The following PIK3R5 variants were observed in gnomAD, a reference collection of about 807,000 sequenced individuals.
PIK3R5 encodes the protein phosphoinositide-3-kinase regulatory subunit 5.
PIK3R5 carries 32 observed loss-of-function variants against 94.9 expected under a neutral mutation model. That is an observed-to-expected ratio of 0.34 (90% CI 0.25 to 0.45). PIK3R5 has a LOEUF of 0.45. Ranked by LOEUF, PIK3R5 falls within the 20% of genes least tolerant of loss-of-function variation. The pLI is 1.00. For missense variants in PIK3R5, 853 were observed against 1,144.6 expected (o/e 0.75, Z 3.68); for synonymous variants, 443 against 479.4 (o/e 0.92, Z 0.99).
rs563262929 is a variant in PIK3R5, at chr17:8,946,614, T to C, written c.-14+18982A>G. ...TGAGCACAAGATGCTTTGCTGCGTG[T>C]TGTGGTAGCTGCAAAGATGACTAAT... On this transcript the variant is annotated intron_variant, in intron 1 of 18. Transcript: ENST00000447110. Among the ~76,000 whole-genome samples, 5 of 152,256 alleles carry C rather than the reference T, an allele frequency of 3.3e-5. No homozygotes were observed. The South Asian group carries it at 1.0e-3, about 32-fold the overall frequency.
chr17:8,933,512 A>G (rs2091021639), intron 1 of PIK3R5, among the ~76,000 whole-genome samples: 1 of 152,214 alleles, frequency 6.6e-6, no homozygotes, highest in Non-Finnish European at 1.5e-5. Flanking sequence ...AAATTCCTTC[A>G]TAAAATAGAG....
At chr17:8,901,878 A>G (rs2090291038) in intron 5 of PIK3R5, among the ~76,000 whole-genome samples, 1 of 152,224 alleles carries the variant, frequency 6.6e-6, no homozygotes, top group Non-Finnish European at 1.5e-5. Context: ...ATTATTAGCA[A>G]GGATGCGTTG....
Position 8,884,777 on chromosome 17 carries a change from C to G in PIK3R5, c.2135G>C (p.Gly712Ala). Residue 712 changes from glycine (G) to alanine (A), a missense_variant, in exon 15 of 19, where the codon GGC becomes GCC. Gly to Ala is a moderately conservative substitution (Grantham distance 60, BLOSUM62 0). This residue lies in a region of PIK3R5 where 173 missense variants were observed against 274.1 expected (regional missense o/e 0.63). Coordinates refer to ENST00000447110, the MANE Select transcript of PIK3R5 (RefSeq NM_001142633.3). This position sits in a 1 kb window ranked among gnomAD's most constrained non-coding sequence, Gnocchi z 5.8. ...GCCATCGATGCCCAGCCGCTTGCTG[C>G]CAGGACCTGTGCCACACACAGACAG... is the stretch of plus-strand genomic sequence containing the variant. Reference protein sequence around the residue: ...ATRAIKASGPGSKRLGIDGDR... With the variant: ...ATRAIKASGPASKRLGIDGDR... The G allele has an allele frequency of 6.2e-7, 1 of 1,612,704 alleles. No individual in the cohort carries two copies. Among genetic ancestry groups the G allele is most frequent in the Non-Finnish European group, 8.5e-7 (1 of 1,179,406 alleles).
chr17:8,914,129 C>T (rs558866529), intron 1 of PIK3R5, among the ~76,000 whole-genome samples: 73 of 152,270 alleles, frequency 4.8e-4, no homozygotes, highest in Non-Finnish European at 8.4e-4. Flanking sequence ...AACAGCTGGC[C>T]CAGATGTGAC....
intron 5 of PIK3R5, among the ~76,000 whole-genome samples, chr17:8,900,275 T>C (rs541901043): frequency 6.6e-6 from 1 of 152,324 alleles, no homozygotes; most frequent in African/African-American, 2.4e-5. Context: ...ACTTTGAGTC[T>C]TACTCTAGCT....
rs867364452 is a variant in PIK3R5, at chr17:8,904,065, G to A, written c.412+712C>T. Among the ~76,000 whole-genome samples the A allele has an allele frequency of 6.6e-6, 1 of 152,214 alleles. No homozygotes were observed. Among genetic ancestry groups the A allele is most frequent in the Non-Finnish European group, 1.5e-5 (1 of 68,032 alleles). On this transcript the variant is annotated intron_variant, in intron 5 of 18. Transcript: ENST00000447110. The surrounding 1 kb of genome is among the most constrained non-coding windows in gnomAD (Gnocchi z 5.1). Reference sequence around the variant, plus strand: ...TTGAGGGGTTTTGAATATCAGGAATGATGATGAATTTTATGAAATATTTTA... The same window carrying A: ...TTGAGGGGTTTTGAATATCAGGAATAATGATGAATTTTATGAAATATTTTA...
At chr17:8,921,122 T>C (rs566694411) in intron 1 of PIK3R5, among the ~76,000 whole-genome samples, 86 of 152,354 alleles carry the variant, frequency 5.6e-4, no homozygotes, top group South Asian at 5.6e-3. Flanking sequence ...ATTACAGGCA[T>C]GAGCCACTGC....
At chr17:8,919,818 C>G (rs1004483095) in intron 1 of PIK3R5, among the ~76,000 whole-genome samples, 10 of 151,806 alleles carry the variant, frequency 6.6e-5, no homozygotes, top group Non-Finnish European at 1.5e-4. Flanking sequence ...TGTTACCTAT[C>G]AGAGTTTCCT....
At chr17:8,897,061 C>G (rs1324708676) in intron 5 of PIK3R5, among the ~76,000 whole-genome samples, 2 of 152,216 alleles carry the variant, frequency 1.3e-5, no homozygotes, top group South Asian at 2.1e-4. Context: ...TCCCTCCTCA[C>G]TGGGGGTCCC....
In PIK3R5 at chr17:8,961,649, T is replaced by A. The variant is rs141577021; in HGVS notation, c.-14+3947A>T. Among the ~76,000 whole-genome samples, 1,031 of 150,746 alleles carry A rather than the reference T, an allele frequency of 6.8e-3. 17 individuals carry two copies. The highest frequency in any genetic ancestry group is 0.022 in the African/African-American group (898 of 41,014). Reference sequence around the variant, plus strand: ...AAACTCTGTCTAAAAAATAATAATTTAAAAAAAAATGAAAATAAAAGTGAC... The same window carrying A: ...AAACTCTGTCTAAAAAATAATAATTAAAAAAAAAATGAAAATAAAAGTGAC... On this transcript the variant is annotated intron_variant, in intron 1 of 18. Transcript: ENST00000447110.
At chr17:8,934,751 A>T (rs1011945646) in intron 1 of PIK3R5, among the ~76,000 whole-genome samples, 2 of 152,180 alleles carry the variant, frequency 1.3e-5, no homozygotes, top group African/African-American at 4.8e-5. Context: ...GTTTTTAAAC[A>T]TAAATAGAAC....
At chr17:8,930,634 T>C (rs2090971338) in intron 1 of PIK3R5, among the ~76,000 whole-genome samples, 1 of 152,224 alleles carries the variant, frequency 6.6e-6, no homozygotes, top group African/African-American at 2.4e-5. Context: ...TCTTTCAATT[T>C]AGAATATGGT....
intron 1 of PIK3R5, among the ~76,000 whole-genome samples, chr17:8,949,155 G>A (rs924137254): frequency 8.5e-5 from 13 of 152,194 alleles, no homozygotes; most frequent in Admixed American, 3.9e-4. Flanking sequence ...CATGGGGCAC[G>A]CTGGGAGATG....
chr17:8,880,971 G>A lies in PIK3R5; in HGVS notation c.2429C>T (p.Ser810Phe), dbSNP rs750013644. The change falls in exon 18 of 19, where the codon TCC becomes TTC. Residue 810 changes from serine to phenylalanine, a missense_variant. Ser to Phe is a radical substitution (Grantham distance 155). Transcript: ENST00000447110. ...IKVDKVQIIG[S>F]NSCPFAVCLD... is the part of the protein sequence containing the mutation. ...GCACACAGCAAAGGGGCAGCTGTTG[G>A]AGCCGATGATCTGCACCTTGTCCAC... The A allele has an allele frequency of 7.4e-6, 12 of 1,614,060 alleles. No individual in the cohort carries two copies. In the African/African-American group the frequency reaches 1.5e-4, roughly 20 times the overall value.
intron 1 of PIK3R5, among the ~76,000 whole-genome samples, chr17:8,924,666 C>T (rs2090834219): frequency 6.6e-6 from 1 of 152,146 alleles, no homozygotes. Flanking sequence ...CACTAGTCTC[C>T]TTTTTACTCT....
chr17:8,915,741 C>T (rs1050303265), intron 1 of PIK3R5: 1 of 152,328 alleles, frequency 6.6e-6, no homozygotes, highest in Admixed American at 6.5e-5. Context: ...CCTGCTCACT[C>T]ATTACGTGTC....
chr17:8,894,553 CT>C (rs1284118007), intron 5 of PIK3R5, among the ~76,000 whole-genome samples: 6 of 152,226 alleles, frequency 3.9e-5, no homozygotes, highest in African/African-American at 1.2e-4. Context: ...GCCCTTCCCC[CT>C]CTCTGTCTCC....
Position 8,887,699 on chromosome 17 carries a change from T to A in PIK3R5, c.1617-16A>T. ...CTCCAGCCGCCTGGCAAGAAGAAGA[T>A]GGTGAGAAGGGGAATGGGCATGGTG... On this transcript the variant is annotated splice_polypyrimidine_tract_variant and intron_variant, in intron 10 of 18. Coordinates refer to ENST00000447110, the MANE Select transcript of PIK3R5 (RefSeq NM_001142633.3). 4 of 1,578,142 alleles carry A rather than the reference T, an allele frequency of 2.5e-6. No individual in the cohort carries two copies. The highest frequency in any genetic ancestry group is 3.4e-6 in the Non-Finnish European group (4 of 1,162,052).
In PIK3R5 at chr17:8,911,811, C is replaced by G; in HGVS notation, c.-13-304G>C. On this transcript the variant is annotated intron_variant, in intron 1 of 18. Transcript: ENST00000447110. This position sits in a 1 kb window ranked among gnomAD's most constrained non-coding sequence, Gnocchi z 5.3. ...GGGCACTGGGCAGTGGGAAGTGTCG[C>G]CAAGTACCCAGGGAGTGGTCAGACC... is the stretch of plus-strand genomic sequence containing the variant. The G allele has an allele frequency of 4.7e-6, 1 of 212,114 alleles. No homozygotes were observed. 13.1% of individuals were successfully genotyped at this position (212,114 alleles called of 1,614,324 possible). A position where few individuals can be genotyped will look rare whatever the true frequency, so the allele number is the denominator to read the frequency against.
Sources: allele counts gnomAD v4.1 joint callset (sites outside exome capture counted in the v4.1 genomes callset), GRCh38; gene constraint gnomAD v4.1.1; regional missense constraint gnomAD v4.1.1; non-coding constraint Gnocchi (gnomAD v3.1); transcripts MANE v1.5; gene names NCBI Gene and HGNC (gene_info 2026-07-23, HGNC 2026-07-21).